VPS13B: variants seen among roughly 807,000 people sequenced by gnomAD.
VPS13B encodes intermembrane lipid transfer protein VPS13B.
A neutral mutation model predicts 426.4 loss-of-function variants in VPS13B; 285 were observed. The ratio of observed to expected loss-of-function variants is 0.67; its 90% CI spans 0.61 to 0.74. The LOEUF (loss-of-function observed/expected upper bound fraction) is 0.74, where lower values mean the gene tolerates loss of function less well. Ranked by LOEUF, VPS13B falls within the 30% of genes least tolerant of loss-of-function variation. The pLI, the probability that VPS13B is intolerant of heterozygous loss-of-function variation, is 0.00. For missense variants in VPS13B, 4,537 were observed against 4,782.6 expected, an observed-to-expected ratio of 0.95 and a Z score of 1.51; for synonymous variants, 1,676 against 1,676.4, an observed-to-expected ratio of 1.00 and a Z score of 0.01.
At chr8:99,601,843 G>A (rs903587627) in intron 33 of VPS13B, among the ~76,000 whole-genome samples, 5 of 152,028 alleles carry the variant, frequency 3.3e-5, no homozygotes, top group Admixed American at 3.3e-4. Context: ...TTTTTGATGG[G>A]GTTGTTTCTT....
In VPS13B at chr8:99,121,404, T is replaced by G; in HGVS notation, c.1165T>G (p.Ser389Ala). The G allele has an allele frequency of 2.5e-6, 4 of 1,614,184 alleles. No homozygotes were observed. Among genetic ancestry groups the G allele is most frequent in the Non-Finnish European group, 3.4e-6 (4 of 1,180,024 alleles). ...KAQTLKDPIVSIGFYCTKATV... is the reference protein window; with the variant it reads ...KAQTLKDPIVAIGFYCTKATV... ...ACAGACTTTGAAGGATCCTATTGTTTCTATAGGATTTTATTGCACAAAGGC... is the reference window on the plus strand; with the variant it reads ...ACAGACTTTGAAGGATCCTATTGTTGCTATAGGATTTTATTGCACAAAGGC... Residue 389 changes from serine to alanine, a missense_variant, in exon 8 of 62, where the codon TCT (serine) becomes GCT (alanine). Ser to Ala is a moderately conservative substitution (Grantham distance 99, BLOSUM62 1). This residue lies in a region of VPS13B where 4,311 missense variants were observed against 4,474.3 expected (regional missense o/e 0.96). Coordinates refer to ENST00000357162, the MANE Select transcript of VPS13B (RefSeq NM_152564.5).
intron 6 of VPS13B, among the ~76,000 whole-genome samples, chr8:99,112,595 G>T (rs1327080909): frequency 6.6e-6 from 1 of 152,072 alleles, no homozygotes; most frequent in Non-Finnish European, 1.5e-5. Context: ...ACATGGAAAA[G>T]AATTAACTCA....
chr8:99,615,238 A>AAGTTAT (rs1828035709), intron 33 of VPS13B, among the ~76,000 whole-genome samples: 1 of 152,106 alleles, frequency 6.6e-6, no homozygotes, highest in African/African-American at 2.4e-5. Flanking sequence ...ATTATAAGTA[A>AAGTTAT]TATTATTAGC....
At chr8:99,872,524 A>G (rs1393182405) in intron 61 of VPS13B, among the ~76,000 whole-genome samples, 2 of 152,154 alleles carry the variant, frequency 1.3e-5, no homozygotes, top group Non-Finnish European at 2.9e-5. Flanking sequence ...CCCCAACCAG[A>G]CAGACCCCAG....
intron 30 of VPS13B, among the ~76,000 whole-genome samples, chr8:99,552,329 A>G (rs1824322231): frequency 6.6e-6 from 1 of 152,010 alleles, no homozygotes; most frequent in African/African-American, 2.4e-5. Context: ...TGAGTGTCTC[A>G]TTTCACTTGG....
chr8:99,015,056 T>C (rs1841539779), intron 2 of VPS13B, among the ~76,000 whole-genome samples: 1 of 152,100 alleles, frequency 6.6e-6, no homozygotes, highest in African/African-American at 2.4e-5. Context: ...CAGCCTCTTT[T>C]ATTACTCTTT....
intron 19 of VPS13B, among the ~76,000 whole-genome samples, chr8:99,318,082 C>G (rs1441667002): frequency 6.6e-6 from 1 of 152,030 alleles, no homozygotes; most frequent in Non-Finnish European, 1.5e-5. Flanking sequence ...TAAGTTTATG[C>G]CATTGTGTTC....
chr8:99,656,959 CTGTTT>C (rs1437774951), intron 34 of VPS13B, among the ~76,000 whole-genome samples: 25 of 152,238 alleles, frequency 1.6e-4, no homozygotes, highest in African/African-American at 5.8e-4. Flanking sequence ...TTCAGTTATT[CTGTTT>C]TATCAACCCT....
In VPS13B at chr8:99,136,761, T is replaced by A. The variant is rs2132559589; in HGVS notation, c.1651+9T>A. 5 of 1,612,986 alleles carry A rather than the reference T, an allele frequency of 3.1e-6. No homozygotes were observed. The highest frequency in any genetic ancestry group is 2.5e-6 in the Non-Finnish European group (3 of 1,179,186). On this transcript the variant is annotated intron_variant, in intron 12 of 61. Transcript: ENST00000357162. ...GAACACTAGTGGCAAAGGTATTGGCTTCTTTCCTTTATGTGTGCCATTTCT... is the reference window on the plus strand; with the variant it reads ...GAACACTAGTGGCAAAGGTATTGGCATCTTTCCTTTATGTGTGCCATTTCT...
intron 17 of VPS13B, among the ~76,000 whole-genome samples, chr8:99,263,888 G>A (rs1482503548): frequency 6.6e-6 from 1 of 152,064 alleles, no homozygotes; most frequent in South Asian, 2.1e-4. Context: ...AATACTCATA[G>A]CCTCTGTCTT....
chr8:99,873,964 G>C (rs1817565870), intron 61 of VPS13B, among the ~76,000 whole-genome samples: 1 of 152,174 alleles, frequency 6.6e-6, no homozygotes, highest in African/African-American at 2.4e-5. Flanking sequence ...TAGTTCCTTT[G>C]AATTTTGGAA....
At chr8:99,069,100 A>G (rs1024097570) in intron 3 of VPS13B, among the ~76,000 whole-genome samples, 1 of 152,148 alleles carries the variant, frequency 6.6e-6, no homozygotes, top group African/African-American at 2.4e-5. Context: ...AATTGCTAAA[A>G]TTTGATAACA....
At chr8:99,369,845 C>G (rs182288047) in intron 19 of VPS13B, among the ~76,000 whole-genome samples, 1 of 152,182 alleles carries the variant, frequency 6.6e-6, no homozygotes, top group Non-Finnish European at 1.5e-5. Flanking sequence ...ACAGTGTCCC[C>G]AGTGATTCTA....
intron 43 of VPS13B, among the ~76,000 whole-genome samples, chr8:99,802,872 G>A (rs1024802436): frequency 2.0e-5 from 3 of 152,192 alleles, no homozygotes; most frequent in Middle Eastern, 3.4e-3. Context: ...CCAACACTCT[G>A]GCCCTGAAGA....
chr8:99,157,587 T>C (rs1305662683), intron 15 of VPS13B, among the ~76,000 whole-genome samples: 1 of 152,098 alleles, frequency 6.6e-6, no homozygotes, highest in Non-Finnish European at 1.5e-5. Flanking sequence ...TCCTAATCCT[T>C]GAGACACAAC....
At chr8:99,377,161 A>T (rs1813534697) in intron 19 of VPS13B, among the ~76,000 whole-genome samples, 1 of 151,298 alleles carries the variant, frequency 6.6e-6, no homozygotes, top group Admixed American at 6.6e-5. Context: ...GTGTAGATTT[A>T]TTTTAATTAT....
intron 61 of VPS13B, among the ~76,000 whole-genome samples, chr8:99,873,556 A>G (rs1817542356): frequency 6.6e-6 from 1 of 152,210 alleles, no homozygotes; most frequent in Non-Finnish European, 1.5e-5. Context: ...ACTGGCTGGA[A>G]GGTAGATGGG....
At chr8:99,604,237 T>G (rs1827460879) in intron 33 of VPS13B, among the ~76,000 whole-genome samples, 1 of 152,168 alleles carries the variant, frequency 6.6e-6, no homozygotes. Flanking sequence ...TATAGAAAGT[T>G]GCCTTATATA....
At chr8:99,039,681 C>T (rs537808799) in intron 3 of VPS13B, among the ~76,000 whole-genome samples, 232 of 151,782 alleles carry the variant, frequency 1.5e-3, no homozygotes, top group African/African-American at 5.2e-3. Context: ...CTAAATGTAA[C>T]TTTAATCTTT....
Sources: allele counts gnomAD v4.1 joint callset (sites outside exome capture counted in the v4.1 genomes callset), GRCh38; gene constraint gnomAD v4.1.1; regional missense constraint gnomAD v4.1.1; transcripts MANE v1.5; gene names NCBI Gene and HGNC (gene_info 2026-07-23, HGNC 2026-07-21).